KCNQ1OT1: variants seen among roughly 807,000 people sequenced by gnomAD.
The protein encoded by KCNQ1OT1 is KCNQ1 opposite strand/antisense transcript 1.
In KCNQ1OT1 at chr11:2,669,911, G is replaced by C; in HGVS notation, n.30084C>G. ...ATAAGATGTGCCTAGAGGCCTGAGA[G>C]TCCCAAGCTCCAGGACAGTCTGGAG... is the stretch of plus-strand genomic sequence containing the variant. On this transcript the variant is annotated non_coding_transcript_exon_variant, in exon 1 of 1. Transcript: ENST00000597346. The surrounding 1 kb of genome is among the most constrained non-coding windows in gnomAD (Gnocchi z 5.6). 1 of 398,632 alleles carries C rather than the reference G, an allele frequency of 2.5e-6. No individual in the cohort carries two copies. The highest frequency in any genetic ancestry group is 4.4e-6 in the Non-Finnish European group (1 of 226,088). 24.7% of individuals were successfully genotyped at this position (398,632 alleles called of 1,614,324 possible).
rs762001419 is a variant in KCNQ1OT1, at chr11:2,612,111, C to G, written n.87884G>C. The G allele has an allele frequency of 1.5e-5, 6 of 398,480 alleles. No homozygotes were observed. The highest frequency in any genetic ancestry group is 2.2e-5 in the Non-Finnish European group (5 of 226,082). 24.7% of individuals were successfully genotyped at this position (398,480 alleles called of 1,614,324 possible). On this transcript the variant is annotated non_coding_transcript_exon_variant, in exon 1 of 1. Transcript: ENST00000597346. This position sits in a 1 kb window ranked among gnomAD's most constrained non-coding sequence, Gnocchi z 5.5. Reference sequence around the variant, plus strand: ...CCTGTTAGGACAGGGGTTCCCAACCCCAGGGCCATGGACTGGTACCAGTCT... The same window carrying G: ...CCTGTTAGGACAGGGGTTCCCAACCGCAGGGCCATGGACTGGTACCAGTCT...
rs1388371413 is a variant in KCNQ1OT1 at position 2,664,989 on chromosome 11, G to A, written n.35006C>T. On this transcript the variant is annotated non_coding_transcript_exon_variant, in exon 1 of 1. Coordinates refer to ENST00000597346, the Ensembl canonical transcript of KCNQ1OT1. This position sits in a 1 kb window ranked among gnomAD's most constrained non-coding sequence, Gnocchi z 5.1. ...GGGAAGGTCCCTGGGGCTGGGCGAA[G>A]CTCCTCTTTCCGGGGCCTGTTAGCC... 2.5e-6 allele frequency: 1 copy of A among 398,580 alleles called. No individual in the cohort carries two copies. Among genetic ancestry groups the A allele is most frequent in the African/African-American group, 2.1e-5 (1 of 48,596 alleles). The allele number at this position is 398,580 out of a possible 1,614,324, so 24.7% of individuals were successfully genotyped here.
In KCNQ1OT1 at chr11:2,673,156, G is replaced by C. The variant is rs2133870697; in HGVS notation, n.26839C>G. ...GGGGTGCTGACCATCCCTGACCCAA[G>C]CACGAGGATCAGAATGGGCCCTGGA... is the stretch of plus-strand genomic sequence containing the variant. On this transcript the variant is annotated non_coding_transcript_exon_variant, in exon 1 of 1. Coordinates refer to ENST00000597346, the Ensembl canonical transcript of KCNQ1OT1. The surrounding 1 kb of genome is among the most constrained non-coding windows in gnomAD (Gnocchi z 4.5). 5.0e-6 allele frequency: 2 copies of C among 398,734 alleles called. No homozygotes were observed. The highest frequency in any genetic ancestry group is 7.1e-5 in the East Asian group (2 of 28,072). The allele number at this position is 398,734 out of a possible 1,614,324, so 24.7% of individuals were successfully genotyped here.
At position 2,687,589 on chromosome 11, in the gene KCNQ1OT1, T is replaced by G; in HGVS notation, n.12406A>C. On this transcript the variant is annotated non_coding_transcript_exon_variant, in exon 1 of 1. Transcript: ENST00000597346. This position sits in a 1 kb window ranked among gnomAD's most constrained non-coding sequence, Gnocchi z 5.0. ...TGACCCCCTGTCAAGGAGGTGTGAC[T>G]GAGAAAGGAAGGGGCAGAGATCCCT... 1 of 398,656 alleles carries G rather than the reference T, an allele frequency of 2.5e-6. No homozygotes were observed. 24.7% of individuals were successfully genotyped at this position (398,656 alleles called of 1,614,324 possible).
Position 2,651,423 on chromosome 11 carries a change from G to A in KCNQ1OT1, n.48572C>T. 5.0e-6 allele frequency: 2 copies of A among 398,688 alleles called. No individual in the cohort carries two copies. The highest frequency in any genetic ancestry group is 8.8e-6 in the Non-Finnish European group (2 of 226,096). 24.7% of individuals were successfully genotyped at this position (398,688 alleles called of 1,614,324 possible). On this transcript the variant is annotated non_coding_transcript_exon_variant, in exon 1 of 1. Coordinates refer to ENST00000597346, the Ensembl canonical transcript of KCNQ1OT1. This position sits in a 1 kb window ranked among gnomAD's most constrained non-coding sequence, Gnocchi z 6.1. ...TTCCATTCCTTTTGGCCTGCCCTGT[G>A]TGCAGCTCAGCAAGTGCCTGAAGTC...
exon 1 of KCNQ1OT1, chr11:2,686,307 T>A (rs897906630): frequency 7.5e-6 from 3 of 398,548 alleles, no homozygotes; most frequent in African/African-American, 6.2e-5. Flanking sequence ...CAGACCACAC[T>A]AGTGTCACCT....
At position 2,647,135 on chromosome 11, in the gene KCNQ1OT1, T is replaced by G. The variant is rs1849678456; in HGVS notation, n.52860A>C. 2 of 398,446 alleles carry G rather than the reference T, an allele frequency of 5.0e-6. No homozygotes were observed. The highest frequency in any genetic ancestry group is 8.8e-6 in the Non-Finnish European group (2 of 226,060). 24.7% of individuals were successfully genotyped at this position (398,446 alleles called of 1,614,324 possible). Reference sequence around the variant, plus strand: ...TTTGTCATATATGACCTTCATTGAGTTATGTTCCTTCTAGACATTATGTGA... The same window carrying G: ...TTTGTCATATATGACCTTCATTGAGGTATGTTCCTTCTAGACATTATGTGA... On this transcript the variant is annotated non_coding_transcript_exon_variant, in exon 1 of 1. Coordinates refer to ENST00000597346, the Ensembl canonical transcript of KCNQ1OT1. The surrounding 1 kb of genome is among the most constrained non-coding windows in gnomAD (Gnocchi z 4.0).
exon 1 of KCNQ1OT1, chr11:2,685,544 C>G (rs915916910): frequency 7.5e-6 from 3 of 398,620 alleles, no homozygotes; most frequent in East Asian, 3.6e-5. Context: ...GTGGGAGGAT[C>G]TGCAGATGAC....
exon 1 of KCNQ1OT1, chr11:2,650,947 T>C: frequency 2.5e-6 from 1 of 398,034 alleles, no homozygotes; most frequent in Admixed American, 4.4e-5. Flanking sequence ...CCTTTTTTCT[T>C]AGTACCCCTT....
chr11:2,696,296 G>T (rs1005173347), exon 1 of KCNQ1OT1: 1 of 398,504 alleles, frequency 2.5e-6, no homozygotes, highest in Non-Finnish European at 4.4e-6. Context: ...TAGGGGCTCA[G>T]TTAGGAATCC....
exon 1 of KCNQ1OT1, chr11:2,630,116 T>C: frequency 2.5e-6 from 1 of 398,378 alleles, no homozygotes; most frequent in East Asian, 3.6e-5. Flanking sequence ...TGTTCATAGT[T>C]TTTATCATGG....
chr11:2,633,859 A>G (rs540188513), exon 1 of KCNQ1OT1: 18 of 398,620 alleles, frequency 4.5e-5, no homozygotes, highest in East Asian at 3.2e-4. Context: ...TGTAATGCGC[A>G]TATACAAAAT....
chr11:2,631,444 C>A (rs1268567285), exon 1 of KCNQ1OT1: 11 of 397,834 alleles, frequency 2.8e-5, no homozygotes, highest in Non-Finnish European at 4.4e-5. Context: ...TTTAGGATTT[C>A]TATTTCTTTA....
chr11:2,648,981 CTTTTTTTTTT>C, exon 1 of KCNQ1OT1: 41 of 313,730 alleles, frequency 1.3e-4, no homozygotes, highest in African/African-American at 2.8e-4. Flanking sequence ...TTTTCTTTTT[CTTTTTTTTTT>C]TTTTTTTTTT....
At chr11:2,693,621 CCCA>C in exon 1 of KCNQ1OT1, 2 of 398,666 alleles carry the variant, frequency 5.0e-6, no homozygotes, top group Non-Finnish European at 4.4e-6. Context: ...AAGAGCTTCG[CCCA>C]GCCGTAGGAA....
In KCNQ1OT1 at chr11:2,627,253, A is replaced by C. The variant is rs1242219127; in HGVS notation, n.72742T>G. On this transcript the variant is annotated non_coding_transcript_exon_variant, in exon 1 of 1. Transcript: ENST00000597346. The surrounding 1 kb of genome is among the most constrained non-coding windows in gnomAD (Gnocchi z 4.9). ...AAGAACATATTTGACCTACTGTGAAATGATTACTACAATCAAGCCAATTAA... is the reference window on the plus strand; with the variant it reads ...AAGAACATATTTGACCTACTGTGAACTGATTACTACAATCAAGCCAATTAA... The C allele has an allele frequency of 2.5e-6, 1 of 398,428 alleles. No individual in the cohort carries two copies. 24.7% of individuals were successfully genotyped at this position (398,428 alleles called of 1,614,324 possible).
At chr11:2,636,596 A>C (rs1376703247) in exon 1 of KCNQ1OT1, 1 of 152,074 alleles carries the variant, frequency 6.6e-6, no homozygotes, top group African/African-American at 2.4e-5. Context: ...CCAGTATTTT[A>C]TTGAGGATTT....
In KCNQ1OT1 at chr11:2,627,196, G is replaced by A. The variant is rs1849274824; in HGVS notation, n.72799C>T. ...GATGCTTTTTTCAGCTTTTATTGAGGTATAATTGACAAATTAAAAGTGCAT... is the reference window on the plus strand; with the variant it reads ...GATGCTTTTTTCAGCTTTTATTGAGATATAATTGACAAATTAAAAGTGCAT... On this transcript the variant is annotated non_coding_transcript_exon_variant, in exon 1 of 1. Transcript: ENST00000597346. This position sits in a 1 kb window ranked among gnomAD's most constrained non-coding sequence, Gnocchi z 4.9. The A allele has an allele frequency of 2.5e-6, 1 of 398,224 alleles. No individual in the cohort carries two copies. Among genetic ancestry groups the A allele is most frequent in the Non-Finnish European group, 4.4e-6 (1 of 226,022 alleles). The allele number at this position is 398,224 out of a possible 1,614,324, so 24.7% of individuals were successfully genotyped here. A position where few individuals can be genotyped will look rare whatever the true frequency, so the allele number is the denominator to read the frequency against.
Position 2,676,706 on chromosome 11 carries a change from A to C in KCNQ1OT1, n.23289T>G, listed in dbSNP as rs1850301113. On this transcript the variant is annotated non_coding_transcript_exon_variant, in exon 1 of 1. Transcript: ENST00000597346. The surrounding 1 kb of genome is among the most constrained non-coding windows in gnomAD (Gnocchi z 4.2). ...ACTAACTGGACTACAGCCTGGCAGG[A>C]GATAACCAAGTCATATGCATAGTGG... 1 of 398,668 alleles carries C rather than the reference A, an allele frequency of 2.5e-6. No homozygotes were observed. Among genetic ancestry groups the C allele is most frequent in the Non-Finnish European group, 4.4e-6 (1 of 226,064 alleles). The allele number at this position is 398,668 out of a possible 1,614,324, so 24.7% of individuals were successfully genotyped here.
Sources: gnomAD v4.1 joint callset for allele counts on GRCh38, gnomAD v4.1.1 for gene constraint, Gnocchi (gnomAD v3.1) non-coding constraint, MANE v1.5 for transcripts, NCBI Gene and HGNC (gene_info 2026-07-23, HGNC 2026-07-21) for gene names.